Variants in PRKCI observed in about 807,000 individuals in gnomAD.
PRKCI encodes the protein protein kinase C iota, also known as protein kinase C iota type.
PRKCI carries 43 observed loss-of-function variants against 84.0 expected under a neutral mutation model. The ratio of observed to expected loss-of-function variants is 0.51; its 90% CI spans 0.40 to 0.66. The LOEUF is 0.66. Among genes scored for constraint, PRKCI ranks in the 30% least tolerant of loss-of-function variants. The pLI, the probability that PRKCI is intolerant of heterozygous loss-of-function variation, is 0.00. For missense variants in PRKCI, 459 were observed against 745.6 expected, an observed-to-expected ratio of 0.62 and a Z score of 4.48; for synonymous variants, 216 against 234.4, an observed-to-expected ratio of 0.92 and a Z score of 0.72.
Position 170,222,629 on chromosome 3 carries a change from C to G in PRKCI, c.-41C>G, listed in dbSNP as rs763083643. On this transcript the variant is annotated 5_prime_UTR_variant, in exon 1 of 18. Coordinates refer to ENST00000295797, the MANE Select transcript of PRKCI (RefSeq NM_002740.6). ...CCCCACGGCGCCCGAAGCGCCCCCC[C>G]GCACCCCCGGCCTCCAGCGTTGAGG... 6.0e-6 allele frequency: 9 copies of G among 1,502,494 alleles called. No individual in the cohort carries two copies. In the Admixed American group the frequency reaches 8.4e-5, roughly 14 times the overall value. The allele number at this position is 1,502,494 out of a possible 1,614,324, so 93.1% of individuals were successfully genotyped here.
intron 5 of PRKCI, 111 bp from the exon 6 acceptor site, chr3:170,270,310 G>A: frequency 9.1e-7 from 1 of 1,104,154 alleles, no homozygotes; most frequent in South Asian, 2.9e-5. Flanking sequence ...TTTTGTTTTT[G>A]TTGTGGGCTG....
rs1259071510 is a variant in PRKCI, at chr3:170,294,530, T to C, written c.1417+1022T>C. Among the ~76,000 whole-genome samples, 3 of 152,216 alleles carry C rather than the reference T, an allele frequency of 2.0e-5. No homozygotes were observed. The East Asian group carries it at 5.8e-4, about 29-fold the overall frequency. On this transcript the variant is annotated intron_variant, in intron 14 of 17. Transcript: ENST00000295797. The stretch of plus-strand genomic sequence containing the variant: ...TATTAAAGTTGGGTAATACCAGTGC[T>C]GGTGAGGATGTGGAGCAACTGGAAC...
chr3:170,276,589 C>T (rs1050602260), intron 8 of PRKCI, among the ~76,000 whole-genome samples: 1 of 152,056 alleles, frequency 6.6e-6, no homozygotes, highest in Non-Finnish European at 1.5e-5. Flanking sequence ...GCTGGGACTA[C>T]AGGCATGTGT....
chr3:170,275,120 AAAAT>A (rs1734082138), intron 7 of PRKCI, 105 bp from the exon 8 acceptor site: 3 of 1,311,844 alleles, frequency 2.3e-6, no homozygotes, highest in African/African-American at 1.5e-5. Context: ...AGTAAAAACT[AAAAT>A]AAAAATCAGG....
At position 170,305,850 on chromosome 3, in the gene PRKCI, C is replaced by T. The variant is rs1734945944; in HGVS notation, c.*2723C>T. ...AGTAAATGCTTGTTCAGTGCCGGTA[C>T]ATTTACTTAAATCTGTTTTTATTTT... On this transcript the variant is annotated 3_prime_UTR_variant, in exon 18 of 18. Coordinates refer to ENST00000295797, the MANE Select transcript of PRKCI (RefSeq NM_002740.6). The T allele has an allele frequency of 6.6e-6, 1 of 150,396 alleles. No homozygotes were observed. Among genetic ancestry groups the T allele is most frequent in the Non-Finnish European group, 1.5e-5 (1 of 67,746 alleles). The allele number at this position is 150,396 out of a possible 1,614,324, so 9.3% of individuals were successfully genotyped here.
rs1251829325 is a variant in PRKCI at position 170,270,574 on chromosome 3, TC to T, written c.591+15del. The T allele has an allele frequency of 4.0e-6, 6 of 1,505,958 alleles. No homozygotes were observed. The highest frequency in any genetic ancestry group is 2.7e-5 in the South Asian group (2 of 73,332). 93.3% of individuals were successfully genotyped at this position (1,505,958 alleles called of 1,614,324 possible). A position where few individuals can be genotyped will look rare whatever the true frequency, so the allele number is the denominator to read the frequency against. Reference sequence around the variant, plus strand: ...TTCTTTGCCACAGGTAAGATGTCTGTCCTTTTTTTTTTTTTTTTTTTTAAGA... The same window carrying T: ...TTCTTTGCCACAGGTAAGATGTCTGTCTTTTTTTTTTTTTTTTTTTTAAGA... On this transcript the variant is annotated intron_variant, in intron 6 of 17. Transcript: ENST00000295797.
rs1734926189 is a variant in PRKCI at position 170,305,206 on chromosome 3, A to G, written c.*2079A>G. ...TAGGGCATTAGTTCTCAGATTTTGG[A>G]ATGTGAAATAATCACCTAGGAAGTT... On this transcript the variant is annotated 3_prime_UTR_variant, in exon 18 of 18. Coordinates refer to ENST00000295797, the MANE Select transcript of PRKCI (RefSeq NM_002740.6). The G allele has an allele frequency of 6.6e-6, 1 of 152,616 alleles. No individual in the cohort carries two copies. Among genetic ancestry groups the G allele is most frequent in the Non-Finnish European group, 1.5e-5 (1 of 68,028 alleles). 9.5% of individuals were successfully genotyped at this position (152,616 alleles called of 1,614,324 possible). A position where few individuals can be genotyped will look rare whatever the true frequency, so the allele number is the denominator to read the frequency against.
At chr3:170,222,920 G>A (rs1732529350) in intron 1 of PRKCI, 150 bp downstream of exon 1, 2 of 677,274 alleles carry the variant, frequency 3.0e-6, no homozygotes, top group Non-Finnish European at 4.9e-6. Context: ...GTGACGAAGT[G>A]ATAGGGGTGG....
At chr3:170,246,076 C>T (rs1412963256) in intron 2 of PRKCI, among the ~76,000 whole-genome samples, 4 of 151,648 alleles carry the variant, frequency 2.6e-5, no homozygotes, top group Non-Finnish European at 5.9e-5. Context: ...CCTCAGCCTC[C>T]CGAGTAGCTG....
chr3:170,304,730 C>T lies in PRKCI; in HGVS notation c.*1603C>T, dbSNP rs1734913895. On this transcript the variant is annotated 3_prime_UTR_variant, in exon 18 of 18. Coordinates refer to ENST00000295797, the MANE Select transcript of PRKCI (RefSeq NM_002740.6). ...TTATTTAAAGGGGTGCCAAATATAGCATCCTTCTGTTGTTTATTTTAAATA... is the reference window on the plus strand; with the variant it reads ...TTATTTAAAGGGGTGCCAAATATAGTATCCTTCTGTTGTTTATTTTAAATA... The T allele has an allele frequency of 6.6e-6, 1 of 152,074 alleles. No homozygotes were observed. Among genetic ancestry groups the T allele is most frequent in the Non-Finnish European group, 1.5e-5 (1 of 68,010 alleles). The allele number at this position is 152,074 out of a possible 1,614,324, so 9.4% of individuals were successfully genotyped here.
chr3:170,242,436 A>G (rs117645621), intron 2 of PRKCI, among the ~76,000 whole-genome samples: 3,189 of 148,266 alleles, frequency 0.022, 53 homozygotes, highest in East Asian at 0.085. Context: ...GTGAGACCCC[A>G]TCTCAAAAGA....
Position 170,222,772 on chromosome 3 carries a change from TGA to T in PRKCI, c.101+4_101+5del. On this transcript the variant is annotated splice_donor_region_variant and intron_variant, in intron 1 of 17. Transcript: ENST00000295797. ...CCGGGTGAAAGCCTACTACCGCGGG[TGA>T]GTGTCCTGGGACAGGGCGGTGGGCG... 3 of 1,582,710 alleles carry T rather than the reference TGA, an allele frequency of 1.9e-6. No individual in the cohort carries two copies. The highest frequency in any genetic ancestry group is 2.6e-6 in the Non-Finnish European group (3 of 1,165,180).
chr3:170,239,741 GT>G (rs1306055398), intron 2 of PRKCI, among the ~76,000 whole-genome samples: 174 of 140,142 alleles, frequency 1.2e-3, no homozygotes, highest in Middle Eastern at 3.7e-3. Context: ...ATGGTAGAGT[GT>G]TTTTTTTTTT....
intron 13 of PRKCI, among the ~76,000 whole-genome samples, chr3:170,292,869 G>T (rs1026720807): frequency 4.6e-5 from 7 of 151,648 alleles, no homozygotes; most frequent in African/African-American, 1.5e-4. Context: ...GTGAAACCCT[G>T]TCTCTACTGA....
chr3:170,235,325 T>A lies in PRKCI; in HGVS notation c.197T>A (p.Phe66Tyr), dbSNP rs1197750201. The A allele has an allele frequency of 6.2e-7, 1 of 1,614,118 alleles. No homozygotes were observed. The highest frequency in any genetic ancestry group is 8.5e-7 in the Non-Finnish European group (1 of 1,179,978). The change falls in exon 2 of 18, where the codon TTC becomes TAC. Residue 66 changes from phenylalanine (F) to tyrosine (Y), a missense_variant. By Grantham distance (22) the Phe-to-Tyr change is conservative. Coordinates refer to ENST00000295797, the MANE Select transcript of PRKCI (RefSeq NM_002740.6). ...TGTTCTTTTGACAACGAACAGCTCT[T>A]CACCATGAAATGGATAGATGAGGAA... Reference protein sequence around the residue: ...DMCSFDNEQLFTMKWIDEEGD... With the variant: ...DMCSFDNEQLYTMKWIDEEGD...
rs1335738205 is a variant in PRKCI at position 170,280,335 on chromosome 3, C to T, written c.814C>T (p.Arg272Ter). 6 of 1,611,488 alleles carry T rather than the reference C, an allele frequency of 3.7e-6. No homozygotes were observed. The highest frequency in any genetic ancestry group is 5.1e-6 in the Non-Finnish European group (6 of 1,179,318). Residue 272 changes from arginine (R) to a stop codon, truncating the protein, a stop_gained, in exon 9 of 18, where the codon CGA becomes TGA. Coordinates refer to ENST00000295797, the MANE Select transcript of PRKCI (RefSeq NM_002740.6). LOFTEE classifies it high-confidence loss of function. ...AAGTTATGCCAAAGTACTGTTGGTT[C>T]GATTAAAAAAAACAGATCGTATTTA... ...RGSYAKVLLV[R>*]LKKTDRIYAM...
At chr3:170,275,186 CCTT>C (rs1734083725) in intron 7 of PRKCI, 40 bp from the exon 8 acceptor site, 2 of 1,272,302 alleles carry the variant, frequency 1.6e-6, no homozygotes, top group South Asian at 2.0e-5. Flanking sequence ...TTCTCCTGCA[CCTT>C]TTTTTTTTTT....
At chr3:170,277,651 A>G (rs1267701703) in intron 8 of PRKCI, among the ~76,000 whole-genome samples, 2 of 150,734 alleles carry the variant, frequency 1.3e-5, no homozygotes, top group African/African-American at 4.9e-5. Context: ...CAGAGACTGT[A>G]CCAGTGCACT....
chr3:170,257,140 TG>T (rs1210795002), intron 2 of PRKCI, among the ~76,000 whole-genome samples: 1 of 152,148 alleles, frequency 6.6e-6, no homozygotes, highest in East Asian at 1.9e-4. Flanking sequence ...AGAGAATAAG[TG>T]GGTGGGTATA....
Sources: allele counts gnomAD v4.1 joint callset (sites outside exome capture counted in the v4.1 genomes callset), GRCh38; gene constraint gnomAD v4.1.1; transcripts MANE v1.5; gene names NCBI Gene and HGNC (gene_info 2026-07-23, HGNC 2026-07-21).